Variants in ASIC2 observed in about 807,000 individuals in gnomAD.
ASIC2 encodes the protein acid-sensing ion channel 2.
In ASIC2, 25 loss-of-function variants were observed where a neutral mutation model predicts 57.3. That is an observed-to-expected ratio of 0.44 (90% CI 0.32 to 0.61). ASIC2 has a LOEUF of 0.61. Ranked by LOEUF, ASIC2 falls within the 20% of genes least tolerant of loss-of-function variation. The pLI is 0.06. For synonymous variants in ASIC2, 319 were observed against 307.5 expected (o/e 1.04, Z -0.39); for missense variants, 641 against 738.1 (o/e 0.87, Z 1.52).
chr17:33,848,210 A>G lies in ASIC2; in HGVS notation c.555+307768T>C, dbSNP rs372671672. 2.3e-4 allele frequency among the ~76,000 whole-genome samples: 35 copies of G among 152,276 alleles called. No individual in the cohort carries two copies. The East Asian group carries it at 5.0e-3, about 22-fold the overall frequency. On this transcript the variant is annotated intron_variant, in intron 1 of 9. Transcript: ENST00000359872. ...CACTGCAGCCTTTGCCAGAAATCCCATTCTACTGGAGCTAACATGGGCCCC... is the reference window on the plus strand; with the variant it reads ...CACTGCAGCCTTTGCCAGAAATCCCGTTCTACTGGAGCTAACATGGGCCCC...
At chr17:34,154,702 C>T (rs1008285) in intron 1 of ASIC2, among the ~76,000 whole-genome samples, 44,037 of 152,012 alleles carry the variant, frequency 0.29, 7,204 homozygotes, top group Middle Eastern at 0.44. Flanking sequence ...GGCAGAGGAC[C>T]CTAGACAAGT....
chr17:33,782,199 T>C (rs956475410), intron 1 of ASIC2, among the ~76,000 whole-genome samples: 2 of 152,240 alleles, frequency 1.3e-5, no homozygotes, highest in African/African-American at 4.8e-5. Context: ...TTACAGATAA[T>C]ACTTTTGTGT....
At position 33,403,491 on chromosome 17, in the gene ASIC2, C is replaced by G. The variant is rs796179996; in HGVS notation, c.556-291424G>C. 1.6e-4 allele frequency among the ~76,000 whole-genome samples: 25 copies of G among 152,306 alleles called. 1 individual carries two copies. Among genetic ancestry groups the G allele is most frequent in the African/African-American group, 5.8e-4 (24 of 41,572 alleles). ...GCTGCTTTAGTTAAATTAAGACTGT[C>G]TATCTTACTTGCACAGAAAAAATGT... On this transcript the variant is annotated intron_variant, in intron 1 of 9. Transcript: ENST00000359872.
intron 1 of ASIC2, among the ~76,000 whole-genome samples, chr17:33,277,231 C>G (rs916453329): frequency 7.2e-5 from 11 of 152,302 alleles, no homozygotes; most frequent in Middle Eastern, 6.8e-3. Context: ...CCATTGGGAT[C>G]AGGGAAGACT....
intron 1 of ASIC2, among the ~76,000 whole-genome samples, chr17:33,853,511 G>A (rs189047048): frequency 1.5e-4 from 23 of 152,298 alleles, no homozygotes; most frequent in African/African-American, 3.1e-4. Context: ...GACCTGGACC[G>A]TCTCTAAGCG....
intron 1 of ASIC2, among the ~76,000 whole-genome samples, chr17:33,447,795 T>C (rs1553491): frequency 0.35 from 52,242 of 150,896 alleles, 9,016 homozygotes; most frequent in Middle Eastern, 0.44. Context: ...ATCAGTAGGG[T>C]GACTATAGCT....
chr17:33,152,056 T>C (rs569039065), intron 1 of ASIC2, among the ~76,000 whole-genome samples: 1 of 152,332 alleles, frequency 6.6e-6, no homozygotes, highest in East Asian at 1.9e-4. Context: ...TACCATTTAA[T>C]GTCATCTCCT....
chr17:33,582,032 T>G (rs1904460137), intron 1 of ASIC2, among the ~76,000 whole-genome samples: 1 of 152,206 alleles, frequency 6.6e-6, no homozygotes, highest in Admixed American at 6.5e-5. Flanking sequence ...CCAATTGTCC[T>G]TAAGTTCCCT....
At chr17:33,654,084 A>C (rs1440422330) in intron 1 of ASIC2, among the ~76,000 whole-genome samples, 2 of 152,184 alleles carry the variant, frequency 1.3e-5, no homozygotes, top group African/African-American at 4.8e-5. Flanking sequence ...CATTTTTCTC[A>C]TCTACAAAAT....
At position 33,291,900 on chromosome 17, in the gene ASIC2, CAT is replaced by C; in HGVS notation, c.214_215del (p.Met72ValfsTer176). 1 of 1,599,384 alleles carries C rather than the reference CAT, an allele frequency of 6.3e-7. No individual in the cohort carries two copies. The highest frequency in any genetic ancestry group is 8.5e-7 in the Non-Finnish European group (1 of 1,177,302). ...CCCCAGCCGCCGTGCGCCCGGCACA[CAT>C]GTGCCGCAGCCCGTGCAGTTTAGCG... ...SRAKLHGLRH[M>X]CAGRTAAGGS... On this transcript the variant is annotated frameshift_variant, in exon 1 of 10. Transcript: ENST00000225823. LOFTEE classifies it high-confidence loss of function.
chr17:33,080,009 C>T (rs190057912), intron 3 of ASIC2, among the ~76,000 whole-genome samples: 62 of 152,128 alleles, frequency 4.1e-4, no homozygotes, highest in East Asian at 5.8e-4. Flanking sequence ...GTCCATGGGA[C>T]TCTAAGCGAG....
At chr17:33,094,005 G>T (rs1171320376) in intron 2 of ASIC2, among the ~76,000 whole-genome samples, 1 of 152,174 alleles carries the variant, frequency 6.6e-6, no homozygotes, top group East Asian at 1.9e-4. Context: ...AGCTTCAGAG[G>T]AGAGGGTGGG....
intron 1 of ASIC2, among the ~76,000 whole-genome samples, chr17:33,983,899 A>G (rs1219876150): frequency 6.6e-6 from 1 of 152,154 alleles, no homozygotes; most frequent in Non-Finnish European, 1.5e-5. Context: ...ACAGCAAAGA[A>G]TTATCTGGCT....
chr17:33,610,716 A>AAAATAAATAAAT (rs10677853), intron 1 of ASIC2, among the ~76,000 whole-genome samples: 5 of 149,148 alleles, frequency 3.4e-5, no homozygotes, highest in African/African-American at 1.3e-4. Context: ...AAATAAATAA[A>AAAATAAATAAAT]AAATAAATAA....
intron 7 of ASIC2, among the ~76,000 whole-genome samples, chr17:33,020,001 T>C (rs1289627723): frequency 6.6e-6 from 1 of 152,122 alleles, no homozygotes; most frequent in Non-Finnish European, 1.5e-5. Context: ...GTGAGGGGTC[T>C]ATGTCTCTGC....
intron 1 of ASIC2, among the ~76,000 whole-genome samples, chr17:33,734,401 A>G (rs1343239405): frequency 6.6e-6 from 1 of 152,092 alleles, no homozygotes; most frequent in Non-Finnish European, 1.5e-5. Flanking sequence ...GCTCCACACC[A>G]TGGTCCCTGT....
intron 1 of ASIC2, among the ~76,000 whole-genome samples, chr17:33,342,768 C>A (rs1204188549): frequency 6.6e-6 from 1 of 152,166 alleles, no homozygotes; most frequent in Non-Finnish European, 1.5e-5. Flanking sequence ...GGGCAAAGCT[C>A]AGATCTTCTC....
At chr17:33,531,761 C>T (rs1397104402) in intron 1 of ASIC2, among the ~76,000 whole-genome samples, 2 of 152,178 alleles carry the variant, frequency 1.3e-5, no homozygotes, top group Non-Finnish European at 2.9e-5. Context: ...CTTTTTCTAT[C>T]ACCTGGGGGG....
intron 1 of ASIC2, chr17:33,565,750 C>A (rs1381600191): frequency 6.6e-6 from 1 of 152,268 alleles, no homozygotes; most frequent in East Asian, 1.9e-4. Flanking sequence ...CCTCTCCTCT[C>A]TTCTAAGAGA....
Sources: allele counts gnomAD v4.1 joint callset (sites outside exome capture counted in the v4.1 genomes callset), GRCh38; gene constraint gnomAD v4.1.1; transcripts MANE v1.5; gene names NCBI Gene and HGNC (gene_info 2026-07-23, HGNC 2026-07-21).